The following KANK1 variants were observed in gnomAD, a reference collection of about 807,000 sequenced individuals.
KANK1 encodes the protein KN motif and ankyrin repeat domain-containing protein 1.
Under a neutral mutation model 106.2 loss-of-function variants are expected in KANK1, and 109 were observed. The ratio of observed to expected loss-of-function variants is 1.03; its 90% CI spans 0.88 to 1.20. The LOEUF (loss-of-function observed/expected upper bound fraction) is 1.20. Among genes scored for constraint, KANK1 ranks in the 50% most tolerant of loss-of-function variants. The pLI is 0.00. For synonymous variants in KANK1, 873 were observed against 652.2 expected, an observed-to-expected ratio of 1.34 and a Z score of -5.16; for missense variants, 2,399 against 1,710.7, an observed-to-expected ratio of 1.40 and a Z score of -7.10.
chr9:494,749 C>T (rs191371819), intron 3 of KANK1, among the ~76,000 whole-genome samples: 66 of 152,242 alleles, frequency 4.3e-4, no homozygotes, highest in African/African-American at 1.5e-3. Flanking sequence ...AGCATCCTGC[C>T]CCGCTACTGT....
intron 1 of KANK1, among the ~76,000 whole-genome samples, chr9:558,048 A>G (rs556109650): frequency 1.2e-3 from 189 of 152,338 alleles, no homozygotes; most frequent in African/African-American, 4.5e-3. Flanking sequence ...AGGAATGTCA[A>G]GGAACCCAGG....
intron 1 of KANK1, among the ~76,000 whole-genome samples, chr9:584,884 C>T (rs564248351): frequency 8.9e-4 from 136 of 152,306 alleles, no homozygotes; most frequent in African/African-American, 3.1e-3. Context: ...AGCCAAAGTT[C>T]TTGGCAGGAA....
intron 1 of KANK1, among the ~76,000 whole-genome samples, chr9:511,035 T>C (rs1194399938): frequency 6.6e-6 from 1 of 152,170 alleles, no homozygotes; most frequent in African/African-American, 2.4e-5. Flanking sequence ...AGGGAATGAA[T>C]GTATAATGAT....
intron 2 of KANK1, among the ~76,000 whole-genome samples, chr9:694,281 C>G (rs747014028): frequency 2.0e-5 from 3 of 152,192 alleles, no homozygotes; most frequent in Non-Finnish European, 4.4e-5. Flanking sequence ...CTGTTTTATC[C>G]CTAAGTTAGC....
intron 1 of KANK1, among the ~76,000 whole-genome samples, chr9:672,914 A>T (rs1295601304): frequency 1.3e-5 from 2 of 152,194 alleles, no homozygotes; most frequent in East Asian, 1.9e-4. Flanking sequence ...TAGCTAGGAG[A>T]ACTAAGCCAC....
chr9:556,422 G>C (rs1380949965), intron 1 of KANK1, among the ~76,000 whole-genome samples: 2 of 152,292 alleles, frequency 1.3e-5, no homozygotes, highest in East Asian at 3.9e-4. Context: ...AGTCTCTGGA[G>C]TCAGCCAGAT....
intron 3 of KANK1, among the ~76,000 whole-genome samples, chr9:715,110 A>C (rs1164398941): frequency 6.6e-6 from 1 of 152,178 alleles, no homozygotes. Flanking sequence ...GTTAGTTTTC[A>C]GTATCTGTGC....
intron 1 of KANK1, among the ~76,000 whole-genome samples, chr9:648,366 A>G (rs1253491619): frequency 6.6e-6 from 1 of 152,118 alleles, no homozygotes; most frequent in Non-Finnish European, 1.5e-5. Context: ...TTTCTTTAAT[A>G]GGATCATCTC....
chr9:725,463 C>A (rs978831136), intron 3 of KANK1, among the ~76,000 whole-genome samples: 1 of 147,260 alleles, frequency 6.8e-6, no homozygotes, highest in South Asian at 2.1e-4. Flanking sequence ...ACAGCCCTCA[C>A]TCCAGCCTGG....
intron 3 of KANK1, among the ~76,000 whole-genome samples, chr9:726,072 T>C (rs746004195): frequency 6.6e-6 from 1 of 152,210 alleles, no homozygotes; most frequent in Non-Finnish European, 1.5e-5. Flanking sequence ...TTCTAATACA[T>C]ACATATGTAA....
intron 1 of KANK1, among the ~76,000 whole-genome samples, chr9:623,122 C>A (rs749464941): frequency 6.6e-6 from 1 of 151,916 alleles, no homozygotes; most frequent in Non-Finnish European, 1.5e-5. Flanking sequence ...GAAAAGGTAA[C>A]ATACAGGCTG....
intron 1 of KANK1, among the ~76,000 whole-genome samples, chr9:555,137 C>T (rs1020913480): frequency 2.0e-5 from 3 of 152,124 alleles, no homozygotes; most frequent in Admixed American, 1.3e-4. Flanking sequence ...CAGTAGAACC[C>T]CTGGATAGTA....
intron 1 of KANK1, chr9:673,467 C>T (rs1815691087): frequency 6.6e-6 from 1 of 152,404 alleles, no homozygotes; most frequent in South Asian, 2.1e-4. Context: ...ACCTCGGCCT[C>T]CCAAAGTGCT....
chr9:706,814 C>A, intron 2 of KANK1: 2 of 985,462 alleles, frequency 2.0e-6, no homozygotes, highest in Non-Finnish European at 2.4e-6. Context: ...GCTGATTGTG[C>A]CTCTGCACCT....
chr9:652,721 C>T (rs552228064), intron 1 of KANK1, among the ~76,000 whole-genome samples: 26 of 152,306 alleles, frequency 1.7e-4, no homozygotes, highest in African/African-American at 6.0e-4. Flanking sequence ...TAGGTACATA[C>T]ATGCTTATAA....
At chr9:604,424 T>G (rs2804302) in intron 1 of KANK1, among the ~76,000 whole-genome samples, 93,841 of 151,350 alleles carry the variant, frequency 0.62, 30,991 homozygotes, top group South Asian at 0.75. Flanking sequence ...TCTCATGAGA[T>G]CTAATGGTTT....
Position 732,600 on chromosome 9 carries a change from G to A in KANK1, c.3228G>A (p.Lys1076=). Residue 1076 remains lysine (K), a synonymous_variant, in exon 6 of 12, where the codon AAG becomes AAA. Coordinates refer to ENST00000382297, the MANE Select transcript of KANK1 (RefSeq NM_015158.5). The part of the protein sequence containing the change: ...EMQVQECEPE[K]VEIRERYELS... Reference sequence around the variant, plus strand: ...AGGTTCAAGAATGTGAACCTGAGAAGGTGGAAATCAGAGAGAGGTGTGGTA... The same window carrying A: ...AGGTTCAAGAATGTGAACCTGAGAAAGTGGAAATCAGAGAGAGGTGTGGTA... 6.2e-7 allele frequency: 1 copy of A among 1,614,050 alleles called. No individual in the cohort carries two copies. Among genetic ancestry groups the A allele is most frequent in the African/African-American group, 1.3e-5 (1 of 75,028 alleles).
chr9:607,752 C>G (rs1427324374), intron 1 of KANK1, among the ~76,000 whole-genome samples: 1 of 151,664 alleles, frequency 6.6e-6, no homozygotes, highest in African/African-American at 2.4e-5. Context: ...CCTTGTTCTC[C>G]TAACTTACTA....
chr9:672,817 C>A (rs73370870), intron 1 of KANK1, among the ~76,000 whole-genome samples: 4,407 of 152,264 alleles, frequency 0.029, 211 homozygotes, highest in African/African-American at 0.099. Context: ...CCTTCAGTCT[C>A]CCGAAATAAA....
Sources: gnomAD v4.1 joint callset for allele counts (sites outside exome capture counted in the v4.1 genomes callset) on GRCh38, gnomAD v4.1.1 for gene constraint, MANE v1.5 for transcripts, NCBI Gene and HGNC (gene_info 2026-07-23, HGNC 2026-07-21) for gene names.